WNT7B: variants seen among roughly 807,000 people sequenced by gnomAD.
The protein encoded by WNT7B is Wnt family member 7B.
Under a neutral mutation model 38.2 loss-of-function variants are expected in WNT7B, and 19 were observed. The observed-to-expected ratio is 0.50, with a 90% CI of 0.35 to 0.73. The LOEUF (loss-of-function observed/expected upper bound fraction) is 0.73. WNT7B is among the 30% of genes least tolerant of loss of function. The probability of loss-of-function intolerance (pLI) is 0.01; values close to 1 mark genes in which losing one functional copy is unlikely to be tolerated. For synonymous variants in WNT7B, 243 were observed against 209.3 expected, an observed-to-expected ratio of 1.16 and a Z score of -1.39; for missense variants, 423 against 507.9, an observed-to-expected ratio of 0.83 and a Z score of 1.61.
chr22:45,956,456 G>A (rs970415908), intron 1 of WNT7B, among the ~76,000 whole-genome samples: 4 of 152,172 alleles, frequency 2.6e-5, no homozygotes, highest in Non-Finnish European at 4.4e-5. Flanking sequence ...CATCTATGGG[G>A]CCCCAAGCCC....
intron 1 of WNT7B, among the ~76,000 whole-genome samples, chr22:45,950,399 GA>G (rs1301764898): frequency 1.3e-5 from 2 of 152,242 alleles, no homozygotes; most frequent in Non-Finnish European, 2.9e-5. Flanking sequence ...CTGAGCCTCA[GA>G]ATGGAGAATC....
rs570108709 is a variant in WNT7B, at chr22:45,966,844, C to G, written c.71+9840G>C. Among the ~76,000 whole-genome samples, 1 of 152,224 alleles carries G rather than the reference C, an allele frequency of 6.6e-6. No individual in the cohort carries two copies. The highest frequency in any genetic ancestry group is 1.5e-5 in the Non-Finnish European group (1 of 68,048). ...CCTCTGGAAAGGCCAACCACTCCACCGGCTGCTTGCACAGAGAACCTGTGA... is the reference window on the plus strand; with the variant it reads ...CCTCTGGAAAGGCCAACCACTCCACGGGCTGCTTGCACAGAGAACCTGTGA... On this transcript the variant is annotated intron_variant, in intron 1 of 3. Coordinates refer to ENST00000339464, the MANE Select transcript of WNT7B (RefSeq NM_058238.3). The surrounding 1 kb of genome is among the most constrained non-coding windows in gnomAD (Gnocchi z 4.2).
chr22:45,969,787 G>A (rs934830844), intron 1 of WNT7B, among the ~76,000 whole-genome samples: 1 of 152,206 alleles, frequency 6.6e-6, no homozygotes, highest in Admixed American at 6.5e-5. Context: ...CCCAGCAATG[G>A]GATCTGGAAA....
intron 1 of WNT7B, among the ~76,000 whole-genome samples, chr22:45,952,151 G>A (rs1004764426): frequency 2.6e-5 from 4 of 152,246 alleles, no homozygotes; most frequent in East Asian, 1.9e-4. Flanking sequence ...GGGGCTCCCC[G>A]AAGCTGATGC....
chr22:45,929,376 C>G (rs973141876), intron 3 of WNT7B, among the ~76,000 whole-genome samples: 6 of 150,008 alleles, frequency 4.0e-5, no homozygotes, highest in Non-Finnish European at 7.4e-5. Context: ...ATTCACCCAT[C>G]CACCCACTCA....
intron 1 of WNT7B, among the ~76,000 whole-genome samples, chr22:45,969,498 C>T (rs537980836): frequency 6.6e-6 from 1 of 152,376 alleles, no homozygotes; most frequent in East Asian, 1.9e-4. Context: ...CCCTTGGGCC[C>T]TTACTGACCC....
rs192018292 is a variant in WNT7B, at chr22:45,966,471, G to A, written c.71+10213C>T. ...AGGGTTGGAGCAGGGATCACAGTGC[G>A]GGAGGGCTCCAGAAAGCGATAGAGG... On this transcript the variant is annotated intron_variant, in intron 1 of 3. Coordinates refer to ENST00000339464, the MANE Select transcript of WNT7B (RefSeq NM_058238.3). This position sits in a 1 kb window ranked among gnomAD's most constrained non-coding sequence, Gnocchi z 4.2. Among the ~76,000 whole-genome samples the A allele has an allele frequency of 6.6e-6, 1 of 152,322 alleles. No individual in the cohort carries two copies. Among genetic ancestry groups the A allele is most frequent in the East Asian group, 1.9e-4 (1 of 5,180 alleles).
intron 3 of WNT7B, among the ~76,000 whole-genome samples, chr22:45,928,139 G>A (rs1043715266): frequency 3.9e-5 from 6 of 152,166 alleles, no homozygotes; most frequent in South Asian, 2.1e-4. Flanking sequence ...GGCCCCACCC[G>A]CGGCACTTGT....
chr22:45,943,081 G>A lies in WNT7B; in HGVS notation c.298+6839C>T, dbSNP rs116271041. Among the ~76,000 whole-genome samples, 1,045 of 151,962 alleles carry A rather than the reference G, an allele frequency of 6.9e-3. 11 individuals carry two copies. Among genetic ancestry groups the A allele is most frequent in the African/African-American group, 0.023 (961 of 41,334 alleles). Reference sequence around the variant, plus strand: ...GTGTGCAGTGTGCACATGTGTGCACGTGTGTGCGTGTGTTTGTGTGTGTGC... The same window carrying A: ...GTGTGCAGTGTGCACATGTGTGCACATGTGTGCGTGTGTTTGTGTGTGTGC... On this transcript the variant is annotated intron_variant, in intron 2 of 3. Coordinates refer to ENST00000339464, the MANE Select transcript of WNT7B (RefSeq NM_058238.3).
In WNT7B at chr22:45,977,144, C is replaced by G. The variant is rs1932571148; in HGVS notation, c.-390G>C. On this transcript the variant is annotated 5_prime_UTR_variant, in exon 1 of 4. Transcript: ENST00000339464. ...CGGCGGCCAATGTGTCCGCACTTGT[C>G]GGCCGCCCCAGGTGACTCGCGGCCC... 9 of 492,116 alleles carry G rather than the reference C, an allele frequency of 1.8e-5. No homozygotes were observed. The highest frequency in any genetic ancestry group is 2.4e-5 in the Non-Finnish European group (9 of 379,286). 30.5% of individuals were successfully genotyped at this position (492,116 alleles called of 1,614,324 possible).
chr22:45,976,830 G>C lies in WNT7B; in HGVS notation c.-76C>G. 7.2e-7 allele frequency: 1 copy of C among 1,382,400 alleles called. No homozygotes were observed. The highest frequency in any genetic ancestry group is 9.6e-7 in the Non-Finnish European group (1 of 1,046,620). The allele number at this position is 1,382,400 out of a possible 1,614,324, so 85.6% of individuals were successfully genotyped here. On this transcript the variant is annotated 5_prime_UTR_variant, in exon 1 of 4. Coordinates refer to ENST00000339464, the MANE Select transcript of WNT7B (RefSeq NM_058238.3). The surrounding 1 kb of genome is among the most constrained non-coding windows in gnomAD (Gnocchi z 8.5). ...GCGGGCCCGGCAGGGCCGGGCAGGGGCCAGGGGGCTGCGGGCAGACTGCGC... is the reference window on the plus strand; with the variant it reads ...GCGGGCCCGGCAGGGCCGGGCAGGGCCCAGGGGGCTGCGGGCAGACTGCGC...
intron 2 of WNT7B, among the ~76,000 whole-genome samples, chr22:45,946,562 A>G (rs184277643): frequency 7.2e-4 from 110 of 152,264 alleles, no homozygotes; most frequent in African/African-American, 2.3e-3. Context: ...AAGACACAAG[A>G]GACAAGCCTC....
Position 45,923,081 on chromosome 22 carries a change from G to A in WNT7B, c.825C>T (p.Pro275=), listed in dbSNP as rs1217526441. ...ETDLVYIEKS[P]NYCEEDAATG... ...TGGCCGCGTCCTCCTCGCAGTAGTT[G>A]GGCGACTTCTCAATGTACACCAGGT... is the stretch of plus-strand genomic sequence containing the variant. Residue 275 remains proline, a synonymous_variant, in exon 4 of 4, where the codon CCC becomes CCT. Coordinates refer to ENST00000339464, the MANE Select transcript of WNT7B (RefSeq NM_058238.3). The A allele has an allele frequency of 6.2e-7, 1 of 1,613,380 alleles. No individual in the cohort carries two copies. The highest frequency in any genetic ancestry group is 2.2e-5 in the East Asian group (1 of 44,888).
intron 1 of WNT7B, among the ~76,000 whole-genome samples, chr22:45,960,350 T>C (rs1162533028): frequency 6.6e-6 from 1 of 152,156 alleles, no homozygotes; most frequent in African/African-American, 2.4e-5. Flanking sequence ...GACTCTGTGC[T>C]TGACCTCTCA....
Position 45,922,754 on chromosome 22 carries a change from T to G in WNT7B, c.*102A>C. ...CTGGAGCTCCCCGCTTCTGCACCCG[T>G]CTATGTCTGCTGCTGGCAGCACCAA... is the stretch of plus-strand genomic sequence containing the variant. On this transcript the variant is annotated 3_prime_UTR_variant, in exon 4 of 4. Coordinates refer to ENST00000339464, the MANE Select transcript of WNT7B (RefSeq NM_058238.3). 1 of 1,511,780 alleles carries G rather than the reference T, an allele frequency of 6.6e-7. No individual in the cohort carries two copies. Among genetic ancestry groups the G allele is most frequent in the Non-Finnish European group, 8.9e-7 (1 of 1,128,676 alleles). The allele number at this position is 1,511,780 out of a possible 1,614,324, so 93.6% of individuals were successfully genotyped here.
Position 45,923,085 on chromosome 22 carries a change from G to A in WNT7B, c.821C>T (p.Ser274Leu), listed in dbSNP as rs774114673. 4 of 1,613,544 alleles carry A rather than the reference G, an allele frequency of 2.5e-6. No homozygotes were observed. Among genetic ancestry groups the A allele is most frequent in the East Asian group, 2.2e-5 (1 of 44,874 alleles). The change falls in exon 4 of 4, where the codon TCG becomes TTG. Residue 274 changes from serine (S) to leucine (L), a missense_variant. Physicochemically the swap from Ser to Leu is moderately radical, Grantham distance 145. Transcript: ENST00000339464. ...CGCGTCCTCCTCGCAGTAGTTGGGC[G>A]ACTTCTCAATGTACACCAGGTCTGT... ...METDLVYIEK[S>L]PNYCEEDAAT...
chr22:45,957,454 C>T (rs934056224), intron 1 of WNT7B, among the ~76,000 whole-genome samples: 2 of 151,806 alleles, frequency 1.3e-5, no homozygotes, highest in Non-Finnish European at 2.9e-5. Flanking sequence ...GAGGCCGAGG[C>T]GAGTGGGTCA....
At chr22:45,926,718 C>A (rs1225278711) in intron 3 of WNT7B, 9 of 985,272 alleles carry the variant, frequency 9.1e-6, no homozygotes, top group Non-Finnish European at 1.1e-5. Context: ...GTGGCCCTGA[C>A]CTGTGAGCCC....
chr22:45,934,110 A>C (rs914001291), intron 2 of WNT7B, among the ~76,000 whole-genome samples: 12 of 152,228 alleles, frequency 7.9e-5, no homozygotes, highest in Non-Finnish European at 1.8e-4. Context: ...GCGTCCAACC[A>C]TGATTCCCGG....
Sources: gnomAD v4.1 joint callset for allele counts (sites outside exome capture counted in the v4.1 genomes callset) on GRCh38, gnomAD v4.1.1 for gene constraint, Gnocchi (gnomAD v3.1) non-coding constraint, MANE v1.5 for transcripts, NCBI Gene and HGNC (gene_info 2026-07-23, HGNC 2026-07-21) for gene names.